Variants in SUPT4H1 observed in about 807,000 individuals in gnomAD.
The protein encoded by SUPT4H1 is SPT4 homolog, DSIF elongation factor subunit.
In SUPT4H1, 12 loss-of-function variants were observed where a neutral mutation model predicts 19.4. The observed-to-expected ratio is 0.62, with a 90% confidence interval of 0.40 to 1.00. The LOEUF (loss-of-function observed/expected upper bound fraction) is 1.00. SUPT4H1 is among the 50% of genes least tolerant of loss of function. The pLI is 0.00. For synonymous variants in SUPT4H1, 58 were observed against 56.3 expected (o/e 1.03, Z -0.14); for missense variants, 115 against 149.2 (o/e 0.77, Z 1.19).
intron 2 of SUPT4H1, among the ~76,000 whole-genome samples, chr17:58,350,976 G>A (rs1263779261): frequency 6.6e-6 from 1 of 151,512 alleles, no homozygotes; most frequent in African/African-American, 2.4e-5. Context: ...CTCATGTTAA[G>A]TCTTTGAAAT....
intron 1 of SUPT4H1, 34 bp from the exon 2 acceptor site, chr17:58,351,542 G>A (rs1285364009): frequency 6.9e-7 from 1 of 1,444,684 alleles, no homozygotes; most frequent in Admixed American, 1.7e-5. Flanking sequence ...GAAAAGGAGA[G>A]ATAAGCATGA....
chr17:58,346,453 G>C (rs1305054985), intron 4 of SUPT4H1, 140 bp from the exon 5 acceptor site: 2 of 673,508 alleles, frequency 3.0e-6, no homozygotes, highest in Non-Finnish European at 5.3e-6. Flanking sequence ...GGCCAGGCAC[G>C]GTGGCTCATG....
intron 2 of SUPT4H1, among the ~76,000 whole-genome samples, chr17:58,350,533 A>ATAAG (rs1972461349): frequency 1.3e-5 from 2 of 150,932 alleles, no homozygotes; most frequent in South Asian, 4.2e-4. Context: ...AAATAAATAA[A>ATAAG]TAAGTAAAAT....
chr17:58,347,382 G>T, intron 3 of SUPT4H1, 141 bp from the exon 4 acceptor site: 1 of 1,316,886 alleles, frequency 7.6e-7, no homozygotes, highest in Non-Finnish European at 1.1e-6. Context: ...AAATGACAAG[G>T]CACAGGACAC....
rs1972520426 is a variant in SUPT4H1, at chr17:58,351,516, T to C, written c.70-8A>G. On this transcript the variant is annotated splice_polypyrimidine_tract_variant and splice_region_variant and intron_variant, in intron 1 of 4. Coordinates refer to ENST00000225504, the MANE Select transcript of SUPT4H1 (RefSeq NM_003168.3). The stretch of plus-strand genomic sequence containing the variant: ...TTCAAACTGGTCTATAGTCTGGGAG[T>C]GAAAGAAAAATAAAGGAAAAGGAGA... 1 of 1,585,944 alleles carries C rather than the reference T, an allele frequency of 6.3e-7. No individual in the cohort carries two copies. The highest frequency in any genetic ancestry group is 1.3e-5 in the African/African-American group (1 of 74,074).
At position 58,347,180 on chromosome 17, in the gene SUPT4H1, A is replaced by G; in HGVS notation, c.286+8T>C. On this transcript the variant is annotated splice_region_variant and intron_variant, in intron 4 of 4. Coordinates refer to ENST00000225504, the MANE Select transcript of SUPT4H1 (RefSeq NM_003168.3). ...TAAATGAACATTGGCTGTTATGATT[A>G]TTATTACCTTGGGGCAGGCGACCAG... 1 of 1,613,786 alleles carries G rather than the reference A, an allele frequency of 6.2e-7. No individual in the cohort carries two copies. Among genetic ancestry groups the G allele is most frequent in the East Asian group, 2.2e-5 (1 of 44,890 alleles).
intron 3 of SUPT4H1, 56 bp downstream of exon 3, chr17:58,347,473 C>A (rs1387193550): frequency 1.9e-6 from 3 of 1,600,346 alleles, no homozygotes; most frequent in East Asian, 4.5e-5. Context: ...CCTAATGGAC[C>A]TGAGGAACAG....
chr17:58,351,767 T>C, intron 1 of SUPT4H1: 1 of 572,762 alleles, frequency 1.7e-6, no homozygotes, highest in East Asian at 2.9e-5. Flanking sequence ...TTCCGACTAC[T>C]CACTCAGCAG....
intron 4 of SUPT4H1, 55 bp from the exon 5 acceptor site, chr17:58,346,368 G>A: frequency 1.3e-6 from 2 of 1,483,048 alleles, no homozygotes; most frequent in Non-Finnish European, 1.9e-6. Context: ...GGTAAGATAG[G>A]CCACTCAGCT....
chr17:58,350,602 G>T lies in SUPT4H1; in HGVS notation c.176+800C>A, dbSNP rs548166230. Among the ~76,000 whole-genome samples the T allele has an allele frequency of 4.0e-5, 6 of 151,414 alleles. No individual in the cohort carries two copies. The South Asian group carries it at 1.3e-3, about 32-fold the overall frequency. ...TGTAATCCCAGCACTATGAGAGGCC[G>T]AGGTGGGCAGATCACCTGAGGTCAG... On this transcript the variant is annotated intron_variant, in intron 2 of 4. Transcript: ENST00000225504.
chr17:58,351,568 A>G, intron 1 of SUPT4H1, 60 bp from the exon 2 acceptor site: 1 of 1,227,422 alleles, frequency 8.1e-7, no homozygotes, highest in African/African-American at 1.5e-5. Flanking sequence ...ACCAAGAGAA[A>G]AAGTAGCTTT....
intron 2 of SUPT4H1, among the ~76,000 whole-genome samples, chr17:58,350,376 G>C (rs934309931): frequency 5.3e-5 from 8 of 151,888 alleles, no homozygotes; most frequent in Admixed American, 1.3e-4. Flanking sequence ...GCTGGGTATG[G>C]TGGCAGGTGC....
Position 58,346,332 on chromosome 17 carries a change from C to T in SUPT4H1, c.287-19G>A, listed in dbSNP as rs982972186. ...ACGATTCCTGAAGCAGGAAAAGAAA[C>T]AGTTCTGTGAGGTAAGATTCAGAAG... On this transcript the variant is annotated intron_variant, in intron 4 of 4. Transcript: ENST00000225504. 1 of 1,609,408 alleles carries T rather than the reference C, an allele frequency of 6.2e-7. No individual in the cohort carries two copies. Among genetic ancestry groups the T allele is most frequent in the Non-Finnish European group, 8.5e-7 (1 of 1,178,596 alleles).
intron 2 of SUPT4H1, among the ~76,000 whole-genome samples, chr17:58,349,886 G>A (rs571912088): frequency 5.4e-4 from 82 of 152,332 alleles, no homozygotes; most frequent in Non-Finnish European, 1.1e-3. Flanking sequence ...AGGAGAGAAC[G>A]AGGAGCTAGT....
chr17:58,350,623 G>C, intron 2 of SUPT4H1, among the ~76,000 whole-genome samples: 1 of 151,420 alleles, frequency 6.6e-6, no homozygotes, highest in Non-Finnish European at 1.5e-5. Flanking sequence ...ATCACCTGAG[G>C]TCAGGAGTTT....
rs375907407 is a variant in SUPT4H1, at chr17:58,352,108, G to A, written c.28C>T (p.Leu10=). The A allele has an allele frequency of 4.3e-6, 7 of 1,614,196 alleles. No individual in the cohort carries two copies. In the African/African-American group the frequency reaches 6.7e-5, roughly 15 times the overall value. The change falls in exon 1 of 5, where the codon CTG becomes TTG. Residue 10 remains leucine, a synonymous_variant. Transcript: ENST00000225504. ...AGCAAACAGGCCCGCAGATGCCGCA[G>A]GTCCTTCGGCACCGTCTCCAGGGCC... The part of the protein sequence containing the change: MALETVPKD[L]RHLRACLLCS...
chr17:58,347,376 G>T, intron 3 of SUPT4H1, 135 bp from the exon 4 acceptor site: 2 of 1,336,722 alleles, frequency 1.5e-6, no homozygotes, highest in South Asian at 1.2e-5. Context: ...AGTGTTAAAT[G>T]ACAAGGCACA....
chr17:58,346,577 G>T (rs1276805759), intron 4 of SUPT4H1, among the ~76,000 whole-genome samples: 1 of 151,976 alleles, frequency 6.6e-6, no homozygotes, highest in Non-Finnish European at 1.5e-5. Flanking sequence ...TTAAAAATTA[G>T]CCAGGTGTAG....
intron 3 of SUPT4H1, 91 bp from the exon 4 acceptor site, chr17:58,347,332 T>TCCAAGAGAAGAG (rs1972328655): frequency 1.4e-6 from 2 of 1,461,552 alleles, no homozygotes; most frequent in East Asian, 4.5e-5. Context: ...GTGATGCAAC[T>TCCAAGAGAAGAG]CCAAGAGAAG....
Sources: allele counts gnomAD v4.1 joint callset (sites outside exome capture counted in the v4.1 genomes callset), GRCh38; gene constraint gnomAD v4.1.1; transcripts MANE v1.5; gene names NCBI Gene and HGNC (gene_info 2026-07-23, HGNC 2026-07-21).